Variants in ZNF385D observed in about 807,000 individuals in gnomAD.
ZNF385D encodes the protein zinc finger protein 659.
In ZNF385D, 15 loss-of-function variants were observed where a neutral mutation model predicts 35.8. The ratio of observed to expected loss-of-function variants is 0.42; its 90% CI spans 0.28 to 0.64. The LOEUF is 0.64. ZNF385D is among the 30% of genes least tolerant of loss of function. The pLI is 0.23. For missense variants in ZNF385D, 474 were observed against 494.6 expected, an observed-to-expected ratio of 0.96 and a Z score of 0.39; for synonymous variants, 212 against 186.8, an observed-to-expected ratio of 1.13 and a Z score of -1.10.
rs1706753986 is a variant in ZNF385D at position 21,506,104 on chromosome 3, GCTGA to G, written c.439+4753_439+4756del. On this transcript the variant is annotated intron_variant, in intron 4 of 7. Transcript: ENST00000281523. ...GTTAACAATAGAATGTTATATAATT[GCTGA>G]CTAATATCTGTTTTGCTTCTCTAGA... is the stretch of plus-strand genomic sequence containing the variant. Among the ~76,000 whole-genome samples the G allele has an allele frequency of 3.9e-5, 6 of 152,228 alleles. No individual in the cohort carries two copies. The South Asian group carries it at 1.2e-3, about 32-fold the overall frequency.
At chr3:21,765,976 G>C (rs2070813754) in intron 3 of ZNF385D, among the ~76,000 whole-genome samples, 2 of 152,050 alleles carry the variant, frequency 1.3e-5, no homozygotes, top group Admixed American at 1.3e-4. Flanking sequence ...AAGAGCCATG[G>C]TCAAGTATTG....
intron 2 of ZNF385D, among the ~76,000 whole-genome samples, chr3:22,344,081 T>C (rs1695542087): frequency 6.6e-6 from 1 of 152,080 alleles, no homozygotes; most frequent in Non-Finnish European, 1.5e-5. Flanking sequence ...ATTGCATATA[T>C]TGTATATCAG....
intron 2 of ZNF385D, among the ~76,000 whole-genome samples, chr3:22,239,427 G>C (rs567118453): frequency 6.6e-6 from 1 of 151,000 alleles, no homozygotes; most frequent in Non-Finnish European, 1.5e-5. Context: ...ATCTGAAATA[G>C]TGAGGGGAAA....
intron 2 of ZNF385D, among the ~76,000 whole-genome samples, chr3:21,589,707 CAGAAA>C (rs1361967549): frequency 6.6e-6 from 1 of 151,170 alleles, no homozygotes; most frequent in African/African-American, 2.4e-5. Context: ...GGATATTTCA[CAGAAA>C]AGAAAACATA....
intron 1 of ZNF385D, among the ~76,000 whole-genome samples, chr3:21,691,702 G>GT (rs1389447234): frequency 6.6e-6 from 1 of 152,040 alleles, no homozygotes; most frequent in Non-Finnish European, 1.5e-5. Flanking sequence ...TCACAATACT[G>GT]TTTTTTAAGT....
chr3:21,587,494 C>T (rs2063846091), intron 2 of ZNF385D, among the ~76,000 whole-genome samples: 1 of 152,048 alleles, frequency 6.6e-6, no homozygotes, highest in South Asian at 2.1e-4. Flanking sequence ...CAACACAGAC[C>T]ATCATATGAA....
intron 3 of ZNF385D, among the ~76,000 whole-genome samples, chr3:21,799,478 G>A (rs1163717665): frequency 4.6e-5 from 7 of 151,984 alleles, no homozygotes; most frequent in South Asian, 4.2e-4. Flanking sequence ...TGTGGTTTCC[G>A]TCTTCATTTG....
chr3:21,584,529 A>G (rs1164505038), intron 2 of ZNF385D, among the ~76,000 whole-genome samples: 3 of 152,164 alleles, frequency 2.0e-5, no homozygotes, highest in Non-Finnish European at 4.4e-5. Context: ...TGCTTTCAAT[A>G]CTACAAATCT....
At chr3:21,923,889 G>C (rs969827906) in intron 3 of ZNF385D, among the ~76,000 whole-genome samples, 4 of 152,126 alleles carry the variant, frequency 2.6e-5, no homozygotes, top group Admixed American at 2.0e-4. Flanking sequence ...GTTAACCTCA[G>C]TATCACATAA....
upstream of ZNF385D, chr3:21,751,257 G>T: frequency 9.4e-7 from 1 of 1,064,724 alleles, no homozygotes; most frequent in Non-Finnish European, 1.2e-6. Flanking sequence ...CCCCACCCTG[G>T]GTTAGCAGCC....
At chr3:22,248,095 C>A (rs896667217) in intron 2 of ZNF385D, among the ~76,000 whole-genome samples, 1 of 152,158 alleles carries the variant, frequency 6.6e-6, no homozygotes, top group Admixed American at 6.5e-5. Flanking sequence ...GATTCATGAA[C>A]TACACAACCT....
intron 2 of ZNF385D, among the ~76,000 whole-genome samples, chr3:22,325,022 C>G (rs1166530645): frequency 6.6e-6 from 1 of 152,162 alleles, no homozygotes; most frequent in Non-Finnish European, 1.5e-5. Flanking sequence ...ACAGTACGTA[C>G]TTTCTAAGTT....
intron 3 of ZNF385D, among the ~76,000 whole-genome samples, chr3:21,960,075 A>G (rs377372497): frequency 2.0e-5 from 3 of 151,838 alleles, no homozygotes; most frequent in Non-Finnish European, 4.4e-5. Context: ...AATCTTCTGT[A>G]CAGCCAAGAA....
chr3:21,704,493 ATTTATTTTAT>A (rs556265801), intron 1 of ZNF385D, among the ~76,000 whole-genome samples: 4 of 151,810 alleles, frequency 2.6e-5, no homozygotes, highest in Non-Finnish European at 5.9e-5. Context: ...ATCTGATATT[ATTTATTTTAT>A]TTTATTTTAT....
Position 21,437,701 on chromosome 3 carries a change from CAA to C in ZNF385D, c.440-500_440-499del, listed in dbSNP as rs751739275. ...ACAGATCCTTTTGCAAATGCTTATA[CAA>C]AAAAAAAAAAAAAAAACCGGAACCC... On this transcript the variant is annotated intron_variant, in intron 4 of 7. Transcript: ENST00000281523. Among the ~76,000 whole-genome samples the C allele has an allele frequency of 4.3e-4, 33 of 77,200 alleles. 1 individual carries two copies. Among genetic ancestry groups the C allele is most frequent in the East Asian group, 8.5e-4 (2 of 2,340 alleles). The allele number at this position is 77,200 out of a possible 152,430, so 50.6% of individuals were successfully genotyped here.
chr3:22,191,493 A>G (rs1327264339), intron 2 of ZNF385D, among the ~76,000 whole-genome samples: 3 of 152,036 alleles, frequency 2.0e-5, no homozygotes, highest in African/African-American at 7.2e-5. Flanking sequence ...ATCTAAGAAA[A>G]AAAAAAAAAA....
At chr3:21,900,902 C>T (rs539409571) in intron 3 of ZNF385D, among the ~76,000 whole-genome samples, 1 of 152,232 alleles carries the variant, frequency 6.6e-6, no homozygotes, top group East Asian at 1.9e-4. Flanking sequence ...TACAATAGCC[C>T]TCCCAGGAAA....
chr3:22,312,476 T>C (rs1376663728), intron 2 of ZNF385D, among the ~76,000 whole-genome samples: 1 of 151,790 alleles, frequency 6.6e-6, no homozygotes, highest in African/African-American at 2.4e-5. Flanking sequence ...ACCTACAGAA[T>C]GGGAGAAAAT....
chr3:22,111,152 ATTTTT>A (rs61708178), intron 3 of ZNF385D, among the ~76,000 whole-genome samples: 30 of 68,976 alleles, frequency 4.3e-4, no homozygotes, highest in South Asian at 1.7e-3. Flanking sequence ...TCCATGTTGG[ATTTTT>A]TTTTTTTTTT....
Sources: gnomAD v4.1 joint callset for allele counts (sites outside exome capture counted in the v4.1 genomes callset) on GRCh38, gnomAD v4.1.1 for gene constraint, MANE v1.5 for transcripts, NCBI Gene and HGNC (gene_info 2026-07-23, HGNC 2026-07-21) for gene names.